ZPBP2: variants seen among roughly 807,000 people sequenced by gnomAD.
ZPBP2 encodes zona pellucida binding protein 2, also known as zona pellucida-binding protein 2.
Under a neutral mutation model 37.5 loss-of-function variants are expected in ZPBP2, and 34 were observed. That is an observed-to-expected ratio of 0.91 (90% CI 0.69 to 1.21). ZPBP2 has a LOEUF of 1.21. Ranked by LOEUF, ZPBP2 falls within the 50% of genes most tolerant of loss-of-function variation. ZPBP2 has a pLI of 0.00. For missense variants in ZPBP2, 397 were observed against 413.5 expected (o/e 0.96, Z 0.35); for synonymous variants, 143 against 138.4 (o/e 1.03, Z -0.23).
Position 39,875,429 on chromosome 17 carries a change from GT to G in ZPBP2, c.886del (p.Cys296ValfsTer15). ...CGTCTACACAGTAATTGCGCTAGCT[GT>G]TGTGGTAACTATAAAATATAAATAT... ...NERLHSNCAS[C>X]CVVCSPATFS... is the part of the protein sequence containing the mutation. On this transcript the variant is annotated frameshift_variant, in exon 7 of 8. Transcript: ENST00000348931. LOFTEE classifies it high-confidence loss of function. 6.3e-7 allele frequency: 1 copy of G among 1,590,606 alleles called. No homozygotes were observed. Among genetic ancestry groups the G allele is most frequent in the Non-Finnish European group, 8.5e-7 (1 of 1,171,994 alleles).
rs780691314 is a variant in ZPBP2 at position 39,871,636 on chromosome 17, A to G, written c.406+11A>G. The G allele has an allele frequency of 8.5e-6, 13 of 1,536,874 alleles. No homozygotes were observed. The highest frequency in any genetic ancestry group is 9.6e-6 in the Non-Finnish European group (11 of 1,146,206). ...ACTTTATGGTCTTTGGTAAGAATTT[A>G]GGCACATTTTAACTTATACATTTAG... On this transcript the variant is annotated intron_variant, in intron 4 of 7. Coordinates refer to ENST00000348931, the MANE Select transcript of ZPBP2 (RefSeq NM_199321.3).
chr17:39,877,224 T>C lies in ZPBP2; in HGVS notation c.*415T>C, dbSNP rs2063394615. 6.5e-6 allele frequency: 1 copy of C among 154,370 alleles called. No individual in the cohort carries two copies. The highest frequency in any genetic ancestry group is 2.4e-5 in the African/African-American group (1 of 41,452). 9.6% of individuals were successfully genotyped at this position (154,370 alleles called of 1,614,324 possible). Reference sequence around the variant, plus strand: ...CTTTGTATTAGAACCAAAAAAGTTATTTATTTTGGTCCCTATGATTTTATT... The same window carrying C: ...CTTTGTATTAGAACCAAAAAAGTTACTTATTTTGGTCCCTATGATTTTATT... On this transcript the variant is annotated 3_prime_UTR_variant, in exon 8 of 8. Coordinates refer to ENST00000348931, the MANE Select transcript of ZPBP2 (RefSeq NM_199321.3).
In ZPBP2 at chr17:39,877,024, A is replaced by C. The variant is rs1054609; in HGVS notation, c.*215A>C. The C allele has an allele frequency of 0.42, 186,981 of 444,314 alleles. 40,698 individuals are homozygous for C. Among genetic ancestry groups the C allele is most frequent in the Non-Finnish European group, 0.46 (114,620 of 247,858 alleles). The allele number at this position is 444,314 out of a possible 1,614,324, so 27.5% of individuals were successfully genotyped here. ...GTGTACAAAGGAAACTTGAAGTTTT[A>C]ATGGATTATTTTTAATGAAATGTTT... On this transcript the variant is annotated 3_prime_UTR_variant, in exon 8 of 8. Transcript: ENST00000348931.
At position 39,868,584 on chromosome 17, in the gene ZPBP2, G is replaced by A. The variant is rs2063346887; in HGVS notation, c.88G>A (p.Gly30Ser). 1.2e-6 allele frequency: 2 copies of A among 1,614,104 alleles called. No individual in the cohort carries two copies. Among genetic ancestry groups the A allele is most frequent in the South Asian group, 2.2e-5 (2 of 91,074 alleles). Residue 30 changes from glycine to serine, a missense_variant, in exon 2 of 8, where the codon GGC becomes AGC. By Grantham distance (56) the Gly-to-Ser change is moderately conservative. Transcript: ENST00000348931. Reference sequence around the variant, plus strand: ...GCGTTTTACCTTATTCAATAAGAAGGGCTTCATTTATGGCAAGACAGGACA... The same window carrying A: ...GCGTTTTACCTTATTCAATAAGAAGAGCTTCATTTATGGCAAGACAGGACA... ...CPRFTLFNKKGFIYGKTGQPD... is the reference protein window; with the variant it reads ...CPRFTLFNKKSFIYGKTGQPD...
chr17:39,874,814 G>C (rs112389508), intron 6 of ZPBP2, among the ~76,000 whole-genome samples: 2 of 151,926 alleles, frequency 1.3e-5, no homozygotes, highest in African/African-American at 4.8e-5. Flanking sequence ...GCAGTGGCAC[G>C]ATCTCGGCTC....
chr17:39,874,986 C>T (rs554026095), intron 6 of ZPBP2, among the ~76,000 whole-genome samples: 14 of 151,204 alleles, frequency 9.3e-5, no homozygotes, highest in African/African-American at 2.9e-4. Context: ...CTTGACCTCG[C>T]GATCTGCCCG....
At position 39,877,097 on chromosome 17, in the gene ZPBP2, G is replaced by T; in HGVS notation, c.*288G>T. The T allele has an allele frequency of 4.3e-6, 1 of 230,938 alleles. No individual in the cohort carries two copies. The highest frequency in any genetic ancestry group is 7.4e-5 in the South Asian group (1 of 13,560). 14.3% of individuals were successfully genotyped at this position (230,938 alleles called of 1,614,324 possible). ...GCTGTGTACCTAAGAGTATAGTAAG[G>T]TCAAGAAGAGTATCAAAGTATAATA... On this transcript the variant is annotated 3_prime_UTR_variant, in exon 8 of 8. Coordinates refer to ENST00000348931, the MANE Select transcript of ZPBP2 (RefSeq NM_199321.3).
In ZPBP2 at chr17:39,869,405, C is replaced by CCTTCT. The variant is rs1555647284; in HGVS notation, c.118+791_118+792insCTTCT. On this transcript the variant is annotated intron_variant, in intron 2 of 7. Coordinates refer to ENST00000348931, the MANE Select transcript of ZPBP2 (RefSeq NM_199321.3). The stretch of plus-strand genomic sequence containing the variant: ...TCTTTCTTTCTTTCCTTCCTTCCTT[C>CCTTCT]TTTTTTTTTTTTTTTTTTTTTGACA... 8.2e-3 allele frequency among the ~76,000 whole-genome samples: 948 copies of CCTTCT among 115,164 alleles called. 13 individuals carry two copies. The highest frequency in any genetic ancestry group is 0.011 in the African/African-American group (343 of 30,200). The allele number at this position is 115,164 out of a possible 152,430, so 75.6% of individuals were successfully genotyped here.
intron 3 of ZPBP2, 46 bp downstream of exon 3, chr17:39,870,865 T>G: frequency 7.2e-7 from 1 of 1,381,830 alleles, no homozygotes; most frequent in Non-Finnish European, 9.6e-7. Context: ...GTGAACATAT[T>G]TTTAGAAAAT....
rs139472421 is a variant in ZPBP2, at chr17:39,870,694, A to G, written c.119A>G (p.Asp40Gly). ...GFIYGKTGQP[D>G]KIYVELHQNS... is the part of the protein sequence containing the mutation. ...TATACATTATTTTATTTCATCACAG[A>G]CAAAATATATGTAGAGTTACATCAA... The change falls in exon 3 of 8, where the codon GAC becomes GGC. Residue 40 changes from aspartate (D) to glycine (G), a missense_variant and splice_region_variant. By Grantham distance (94) the Asp-to-Gly change is moderately conservative (BLOSUM62 -1). Transcript: ENST00000348931. 7.1e-7 allele frequency: 1 copy of G among 1,402,294 alleles called. No individual in the cohort carries two copies. The highest frequency in any genetic ancestry group is 9.6e-7 in the Non-Finnish European group (1 of 1,044,724). 86.9% of individuals were successfully genotyped at this position (1,402,294 alleles called of 1,614,324 possible).
intron 1 of ZPBP2, 40 bp from the exon 2 acceptor site, chr17:39,868,509 C>T (rs749413660): frequency 4.3e-6 from 7 of 1,614,050 alleles, no homozygotes; most frequent in Non-Finnish European, 8.5e-7. Context: ...GAACCCTGCT[C>T]CTCTTCTAAC....
intron 5 of ZPBP2, 36 bp from the exon 6 acceptor site, chr17:39,873,008 A>G (rs750168850): frequency 6.3e-7 from 1 of 1,589,290 alleles, no homozygotes; most frequent in Admixed American, 1.7e-5. Context: ...ACTTTTCAGA[A>G]TCCCTTTGTG....
chr17:39,874,985 G>A (rs925117498), intron 6 of ZPBP2, among the ~76,000 whole-genome samples: 10 of 152,090 alleles, frequency 6.6e-5, no homozygotes, highest in Admixed American at 1.3e-4. Flanking sequence ...TCTTGACCTC[G>A]CGATCTGCCC....
rs888748662 is a variant in ZPBP2, at chr17:39,875,039, G to A, written c.709-215G>A. On this transcript the variant is annotated intron_variant, in intron 6 of 7. Coordinates refer to ENST00000348931, the MANE Select transcript of ZPBP2 (RefSeq NM_199321.3). ...GCTGGGTTTACAGGCATGAGCCACC[G>A]CTCCCAGCCAATTTTTCTTAACCAT... Among the ~76,000 whole-genome samples the A allele has an allele frequency of 6.6e-5, 10 of 152,284 alleles. No individual in the cohort carries two copies. The South Asian group carries it at 1.7e-3, about 25-fold the overall frequency.
rs2063362241 is a variant in ZPBP2 at position 39,870,943 on chromosome 17, T to C, written c.244+124T>C. The stretch of plus-strand genomic sequence containing the variant: ...ATGGCAGTTTCTCTTGCTCCCTACT[T>C]AGAAAAATCATGTTATATTTTGGCC... On this transcript the variant is annotated intron_variant, in intron 3 of 7. Coordinates refer to ENST00000348931, the MANE Select transcript of ZPBP2 (RefSeq NM_199321.3). 4.5e-6 allele frequency: 4 copies of C among 883,786 alleles called. No homozygotes were observed. In the South Asian group the frequency reaches 1.4e-4, roughly 31 times the overall value. The allele number at this position is 883,786 out of a possible 1,614,324, so 54.7% of individuals were successfully genotyped here. A position where few individuals can be genotyped will look rare whatever the true frequency, so the allele number is the denominator to read the frequency against.
At position 39,868,606 on chromosome 17, in the gene ZPBP2, G is replaced by A. The variant is rs933009019; in HGVS notation, c.110G>A (p.Gly37Glu). ...AAGGGCTTCATTTATGGCAAGACAGGACAGCCAGGTAATAAGGGCCTCTGC... is the reference window on the plus strand; with the variant it reads ...AAGGGCTTCATTTATGGCAAGACAGAACAGCCAGGTAATAAGGGCCTCTGC... ...NKKGFIYGKT[G>E]QPDKIYVELH... Residue 37 changes from glycine to glutamate, a missense_variant, in exon 2 of 8, where the codon GGA becomes GAA. Gly to Glu is a moderately conservative substitution (Grantham distance 98). Coordinates refer to ENST00000348931, the MANE Select transcript of ZPBP2 (RefSeq NM_199321.3). The A allele has an allele frequency of 4.3e-6, 7 of 1,614,030 alleles. No individual in the cohort carries two copies. Among genetic ancestry groups the A allele is most frequent in the Non-Finnish European group, 5.9e-6 (7 of 1,180,030 alleles).
At position 39,868,231 on chromosome 17, in the gene ZPBP2, G is replaced by C; in HGVS notation, c.-124G>C. ...GTCCGCTCCCGCCGTTGCGACGGAC[G>C]GGTAGGGGAGGCGACCCCGGCGTTC... is the stretch of plus-strand genomic sequence containing the variant. On this transcript the variant is annotated 5_prime_UTR_variant, in exon 1 of 8. Transcript: ENST00000348931. 5 of 1,076,070 alleles carry C rather than the reference G, an allele frequency of 4.6e-6. No homozygotes were observed. Among genetic ancestry groups the C allele is most frequent in the Non-Finnish European group, 6.6e-6 (5 of 755,308 alleles). 66.7% of individuals were successfully genotyped at this position (1,076,070 alleles called of 1,614,324 possible). A position where few individuals can be genotyped will look rare whatever the true frequency, so the allele number is the denominator to read the frequency against.
At chr17:39,872,112 T>C (rs1418198319) in intron 4 of ZPBP2, among the ~76,000 whole-genome samples, 158 bp from the exon 5 acceptor site, 1 of 152,202 alleles carries the variant, frequency 6.6e-6, no homozygotes, top group Admixed American at 6.5e-5. Flanking sequence ...AATAGTTTTA[T>C]GTATTTTTGT....
rs1372386627 is a variant in ZPBP2 at position 39,877,347 on chromosome 17, A to C, written c.*538A>C. On this transcript the variant is annotated 3_prime_UTR_variant, in exon 8 of 8. Coordinates refer to ENST00000348931, the MANE Select transcript of ZPBP2 (RefSeq NM_199321.3). ...ATATAGAGTTCCATACACCCACTGC[A>C]CCCCATACCCTCATTCCTCCTTACA... 1.3e-5 allele frequency: 2 copies of C among 152,264 alleles called. No homozygotes were observed. Among genetic ancestry groups the C allele is most frequent in the African/African-American group, 4.8e-5 (2 of 41,520 alleles). The allele number at this position is 152,264 out of a possible 1,614,324, so 9.4% of individuals were successfully genotyped here.
Sources: gnomAD v4.1 joint callset for allele counts (sites outside exome capture counted in the v4.1 genomes callset) on GRCh38, gnomAD v4.1.1 for gene constraint, MANE v1.5 for transcripts, NCBI Gene and HGNC (gene_info 2026-07-23, HGNC 2026-07-21) for gene names.